Variants in KLRG1 observed in about 807,000 individuals in gnomAD.
KLRG1 encodes the protein killer cell lectin like receptor G1, also known as killer cell lectin-like receptor subfamily G member 1.
KLRG1 carries 16 observed loss-of-function variants against 21.8 expected under a neutral mutation model. That is an observed-to-expected ratio of 0.73 (90% CI 0.50 to 1.11). The LOEUF (loss-of-function observed/expected upper bound fraction) is 1.11, where lower values mean the gene tolerates loss of function less well. Among genes scored for constraint, KLRG1 ranks in the 50% most tolerant of loss-of-function variants. The pLI is 0.00. For synonymous variants in KLRG1, 69 were observed against 75.9 expected, an observed-to-expected ratio of 0.91 and a Z score of 0.47; for missense variants, 173 against 218.3, an observed-to-expected ratio of 0.79 and a Z score of 1.31.
chr12:9,144,773 A>G, the KLRG1 span, among the ~76,000 whole-genome samples: 66 of 152,238 alleles, frequency 4.3e-4, no homozygotes, highest in African/African-American at 1.5e-3. Flanking sequence ...TGGGGCTGAC[A>G]TCTCTCTGGC....
At chr12:9,018,108 C>T in the KLRG1 span, among the ~76,000 whole-genome samples, 18 of 152,054 alleles carry the variant, frequency 1.2e-4, no homozygotes, top group Admixed American at 2.6e-4. Context: ...GAAATTGAAG[C>T]GAACACAAAA....
the KLRG1 span, among the ~76,000 whole-genome samples, chr12:9,161,552 A>G: frequency 3.3e-5 from 5 of 152,204 alleles, no homozygotes; most frequent in Admixed American, 1.3e-4. Flanking sequence ...AAAGAAGCCT[A>G]AGACTTAGTG....
the KLRG1 span, chr12:9,168,800 AT>A: frequency 1.7e-6 from 2 of 1,202,742 alleles, no homozygotes; most frequent in Admixed American, 3.6e-5. Context: ...ACATTACCTC[AT>A]TTTAGCATTT....
At chr12:9,091,321 A>G in the KLRG1 span, 8 of 1,614,204 alleles carry the variant, frequency 5.0e-6, no homozygotes, top group Non-Finnish European at 6.8e-6. Context: ...GGAGAGAGGC[A>G]GTGGAAGAGA....
chr12:9,182,190 A>G, the KLRG1 span: 7 of 1,460,222 alleles, frequency 4.8e-6, no homozygotes, highest in Non-Finnish European at 6.5e-6. Flanking sequence ...TGTCATAAGG[A>G]CACTATTGCT....
chr12:9,123,817 T>C, the KLRG1 span, among the ~76,000 whole-genome samples: 3 of 151,378 alleles, frequency 2.0e-5, no homozygotes, highest in South Asian at 2.1e-4. Flanking sequence ...AACTTTATAG[T>C]AATTTCCTCT....
the KLRG1 span, among the ~76,000 whole-genome samples, chr12:9,038,150 A>G: frequency 1.3e-5 from 2 of 152,186 alleles, no homozygotes; most frequent in African/African-American, 4.8e-5. Context: ...AGTCCTACCT[A>G]TTCAGGAGGC....
rs530339598 is a variant in KLRG1, at chr12:9,004,325, G to C, written c.358-4650G>C. Among the ~76,000 whole-genome samples, 328 of 152,264 alleles carry C rather than the reference G, an allele frequency of 2.2e-3. 1 individual carries two copies. Among genetic ancestry groups the C allele is most frequent in the Non-Finnish European group, 3.8e-3 (258 of 68,016 alleles). The stretch of plus-strand genomic sequence containing the variant: ...ACTAGTTTACAGTCCCACCAACAGT[G>C]TAAAAGTGTTCCTATTTCTCCACAT... On this transcript the variant is annotated intron_variant, in intron 3 of 4. Coordinates refer to ENST00000356986, the MANE Select transcript of KLRG1 (RefSeq NM_005810.4).
At chr12:8,995,387 C>A in intron 3 of KLRG1, 99 bp downstream of exon 3, 1 of 1,024,020 alleles carries the variant, frequency 9.8e-7, no homozygotes, top group Non-Finnish European at 1.4e-6. Flanking sequence ...TTTTAAGGAA[C>A]AGAAGGAATC....
At chr12:9,202,741 T>G in the KLRG1 span, 1 of 1,508,244 alleles carries the variant, frequency 6.6e-7, no homozygotes, top group East Asian at 2.3e-5. Context: ...TCCCTCTGCA[T>G]TCTTCAGTCA....
At chr12:9,055,191 T>A in the KLRG1 span, among the ~76,000 whole-genome samples, 2,452 of 152,318 alleles carry the variant, frequency 0.016, 66 homozygotes, top group African/African-American at 0.056. Context: ...CACCTAAACA[T>A]AACTTATTAA....
At chr12:9,170,367 T>A in the KLRG1 span, among the ~76,000 whole-genome samples, 53,702 of 152,038 alleles carry the variant, frequency 0.35, 10,056 homozygotes, top group Non-Finnish European at 0.42. This position sits in a 1 kb window ranked among gnomAD's most constrained non-coding sequence, Gnocchi z 4.6. Context: ...GCAGAGCAGC[T>A]GCTCAGGCAC....
At chr12:9,079,973 AAAG>A in the KLRG1 span, 3 of 948,876 alleles carry the variant, frequency 3.2e-6, no homozygotes, top group African/African-American at 5.0e-5. Flanking sequence ...AAACAAGCCC[AAAG>A]AAGAAGAGAA....
At chr12:8,958,454 G>A (rs1377272930) in intron 1 of KLRG1, among the ~76,000 whole-genome samples, 1 of 152,130 alleles carries the variant, frequency 6.6e-6, no homozygotes, top group Non-Finnish European at 1.5e-5. Flanking sequence ...ATTAAGTCTT[G>A]AAGAAAGGTA....
At chr12:9,183,953 C>T in the KLRG1 span, among the ~76,000 whole-genome samples, 1 of 152,204 alleles carries the variant, frequency 6.6e-6, no homozygotes, top group East Asian at 1.9e-4. Context: ...TTAGCTCAGA[C>T]CTCAAAAAGG....
At chr12:9,028,937 G>A in the KLRG1 span, 8 of 631,262 alleles carry the variant, frequency 1.3e-5, no homozygotes, top group Middle Eastern at 4.7e-4. Context: ...CTGCAACCTT[G>A]GTGTTTGGGT....
At chr12:9,027,767 C>T in the KLRG1 span, 2 of 1,380,016 alleles carry the variant, frequency 1.4e-6, no homozygotes, top group East Asian at 4.6e-5. Context: ...TTATAGCCAT[C>T]CCCATTGCCA....
the KLRG1 span, among the ~76,000 whole-genome samples, chr12:9,039,453 T>G: frequency 2.7e-5 from 4 of 148,534 alleles, no homozygotes; most frequent in African/African-American, 9.7e-5. Context: ...ATGTATAATT[T>G]TATGCTTTTT....
intron 1 of KLRG1, among the ~76,000 whole-genome samples, chr12:8,991,473 G>A (rs1208421107): frequency 6.6e-6 from 1 of 151,988 alleles, no homozygotes; most frequent in African/African-American, 2.4e-5. Flanking sequence ...AAATTCAAAA[G>A]GTACAAAAGA....
Sources: allele counts gnomAD v4.1 joint callset (sites outside exome capture counted in the v4.1 genomes callset), GRCh38; gene constraint gnomAD v4.1.1; non-coding constraint Gnocchi (gnomAD v3.1); transcripts MANE v1.5; gene names NCBI Gene and HGNC (gene_info 2026-07-23, HGNC 2026-07-21).